The following CLYBL variants were observed in gnomAD, a reference collection of about 807,000 sequenced individuals.
CLYBL encodes the protein citramalyl-CoA lyase, mitochondrial.
A neutral mutation model predicts 38.9 loss-of-function variants in CLYBL; 31 were observed. The ratio of observed to expected loss-of-function variants is 0.80; its 90% CI spans 0.60 to 1.08. The LOEUF (loss-of-function observed/expected upper bound fraction) is 1.08. Ranked by LOEUF, CLYBL falls within the 50% of genes least tolerant of loss-of-function variation. The pLI, the probability that CLYBL is intolerant of heterozygous loss-of-function variation, is 0.00. For missense variants in CLYBL, 434 were observed against 411.6 expected (o/e 1.05, Z -0.47); for synonymous variants, 171 against 158.6 (o/e 1.08, Z -0.59).
intron 1 of CLYBL, among the ~76,000 whole-genome samples, chr13:99,728,558 A>C (rs151112335): frequency 2.0e-5 from 3 of 150,818 alleles, no homozygotes; most frequent in African/African-American, 7.3e-5. Flanking sequence ...GATTACAGGT[A>C]TGAGCCAACT....
chr13:99,834,000 C>G (rs2050879921), intron 2 of CLYBL, among the ~76,000 whole-genome samples: 1 of 152,000 alleles, frequency 6.6e-6, no homozygotes, highest in Non-Finnish European at 1.5e-5. Context: ...ATGCGCAGCC[C>G]TGTGTTGCTT....
intron 1 of CLYBL, among the ~76,000 whole-genome samples, chr13:99,628,788 C>G (rs754986658): frequency 1.3e-5 from 2 of 152,172 alleles, no homozygotes; most frequent in Non-Finnish European, 2.9e-5. Flanking sequence ...CAAGAAACAT[C>G]TGTCTATAAA....
At chr13:99,868,232 A>G (rs562227932) in intron 6 of CLYBL, among the ~76,000 whole-genome samples, 5 of 152,312 alleles carry the variant, frequency 3.3e-5, no homozygotes, top group African/African-American at 1.2e-4. Flanking sequence ...TGCCCCAATT[A>G]TATTTCTGCA....
chr13:99,823,525 A>G (rs184749310), intron 2 of CLYBL, among the ~76,000 whole-genome samples: 76 of 152,318 alleles, frequency 5.0e-4, no homozygotes, highest in African/African-American at 1.8e-3. Context: ...GCCTTTTCTA[A>G]AATGTCATAT....
At chr13:99,608,061 CT>C (rs56149363) in intron 1 of CLYBL, among the ~76,000 whole-genome samples, 10,787 of 74,574 alleles carry the variant, frequency 0.14, 849 homozygotes, top group East Asian at 0.44. Context: ...TCTGGAACTT[CT>C]TTTTTTTTTT....
At chr13:99,710,572 A>G (rs1050150802) in intron 1 of CLYBL, among the ~76,000 whole-genome samples, 2 of 152,118 alleles carry the variant, frequency 1.3e-5, no homozygotes, top group African/African-American at 4.8e-5. Flanking sequence ...ATTTCCAGGG[A>G]TATTGCTTTT....
chr13:99,677,789 T>G (rs191743727), intron 1 of CLYBL, among the ~76,000 whole-genome samples: 295 of 152,366 alleles, frequency 1.9e-3, no homozygotes, highest in Non-Finnish European at 2.3e-3. Flanking sequence ...GCTACTGTTT[T>G]ATTTGTACAT....
chr13:99,671,795 A>T (rs1050324780), intron 1 of CLYBL, among the ~76,000 whole-genome samples: 2 of 147,004 alleles, frequency 1.4e-5, no homozygotes, highest in Admixed American at 1.4e-4. Flanking sequence ...AAAAAAAAAA[A>T]TAATAAAAGC....
Position 99,840,770 on chromosome 13 carries a change from AAAAAAAAAAAG to A in CLYBL, c.250-18090_250-18080del, listed in dbSNP as rs1307228101. On this transcript the variant is annotated intron_variant, in intron 2 of 8. Coordinates refer to ENST00000339105, the MANE Select transcript of CLYBL (RefSeq NM_206808.5). ...TGTCTCAAAAAAAAAAAAAAAAAAA[AAAAAAAAAAAG>A]GGTTACATATGCATATGAAAAAAGG... 2.6e-4 allele frequency among the ~76,000 whole-genome samples: 39 copies of A among 148,146 alleles called. 1 individual carries two copies. The highest frequency in any genetic ancestry group is 9.4e-4 in the African/African-American group (37 of 39,326).
At chr13:99,641,192 T>C (rs1197097363) in intron 1 of CLYBL, among the ~76,000 whole-genome samples, 1 of 152,214 alleles carries the variant, frequency 6.6e-6, no homozygotes, top group Non-Finnish European at 1.5e-5. Flanking sequence ...ACAACCTCAA[T>C]GATATAAGTT....
intron 2 of CLYBL, among the ~76,000 whole-genome samples, chr13:99,817,647 T>A: frequency 8.2e-6 from 1 of 122,008 alleles, no homozygotes; most frequent in Non-Finnish European, 1.6e-5. Flanking sequence ...AGAGCGAGAC[T>A]CTGTCTCAAA....
At chr13:99,857,693 G>A (rs1387761524) in intron 2 of CLYBL, among the ~76,000 whole-genome samples, 1 of 152,138 alleles carries the variant, frequency 6.6e-6, no homozygotes, top group Non-Finnish European at 1.5e-5. Context: ...CTGCTGTCCT[G>A]GGTTGTCTTG....
At chr13:99,835,610 G>C (rs2050917320) in intron 2 of CLYBL, among the ~76,000 whole-genome samples, 1 of 152,224 alleles carries the variant, frequency 6.6e-6, no homozygotes, top group South Asian at 2.1e-4. Context: ...GCCATCAGCT[G>C]TCTCTGCCAC....
At chr13:99,636,996 C>T (rs1449838868) in intron 1 of CLYBL, among the ~76,000 whole-genome samples, 1 of 152,188 alleles carries the variant, frequency 6.6e-6, no homozygotes, top group African/African-American at 2.4e-5. Context: ...TCTCATTTCT[C>T]AGCTTCCTGA....
At chr13:99,860,900 G>T (rs2051584894) in intron 3 of CLYBL, among the ~76,000 whole-genome samples, 1 of 152,172 alleles carries the variant, frequency 6.6e-6, no homozygotes. Flanking sequence ...GACTGGCACG[G>T]CTTATTGGAC....
chr13:99,813,379 A>G (rs112097201), intron 2 of CLYBL, among the ~76,000 whole-genome samples: 1 of 152,226 alleles, frequency 6.6e-6, no homozygotes, highest in African/African-American at 2.4e-5. Context: ...GTGCAAGAAC[A>G]GTAATACTAG....
intron 1 of CLYBL, among the ~76,000 whole-genome samples, chr13:99,643,731 G>A (rs1044763745): frequency 2.0e-5 from 3 of 152,144 alleles, no homozygotes; most frequent in Non-Finnish European, 2.9e-5. Flanking sequence ...CCATAGGCCC[G>A]GCGCAGTGGC....
intron 2 of CLYBL, among the ~76,000 whole-genome samples, chr13:99,851,633 C>T (rs2051335014): frequency 6.6e-6 from 1 of 152,082 alleles, no homozygotes; most frequent in African/African-American, 2.4e-5. Flanking sequence ...CAATGAGAGA[C>T]CACTTGGTGA....
At chr13:99,793,216 C>G (rs764862445) in intron 2 of CLYBL, among the ~76,000 whole-genome samples, 2 of 152,072 alleles carry the variant, frequency 1.3e-5, no homozygotes, top group East Asian at 3.8e-4. Context: ...CTTCCCACAG[C>G]GAGCCAGTGA....
Sources: gnomAD v4.1 joint callset for allele counts (sites outside exome capture counted in the v4.1 genomes callset) on GRCh38, gnomAD v4.1.1 for gene constraint, MANE v1.5 for transcripts, NCBI Gene and HGNC (gene_info 2026-07-23, HGNC 2026-07-21) for gene names.